The following EIPR1 variants were observed in gnomAD, a reference collection of about 807,000 sequenced individuals.
EIPR1 encodes the protein EARP and GARP complex-interacting protein 1.
In EIPR1, 25 loss-of-function variants were observed where a neutral mutation model predicts 48.1. The observed-to-expected ratio is 0.52, with a 90% CI of 0.38 to 0.73. EIPR1 has a LOEUF of 0.73. Among genes scored for constraint, EIPR1 ranks in the 30% least tolerant of loss-of-function variants. The pLI is 0.00. For missense variants in EIPR1, 415 were observed against 506.2 expected (o/e 0.82, Z 1.73); for synonymous variants, 204 against 201.9 (o/e 1.01, Z -0.09).
chr2:3,235,700 C>A (rs1666385123), intron 4 of EIPR1, among the ~76,000 whole-genome samples: 1 of 152,198 alleles, frequency 6.6e-6, no homozygotes, highest in Non-Finnish European at 1.5e-5. Flanking sequence ...TTATAGAATG[C>A]AGGATTTTAA....
At chr2:3,266,710 G>A (rs903803480) in intron 3 of EIPR1, among the ~76,000 whole-genome samples, 8 of 152,182 alleles carry the variant, frequency 5.3e-5, no homozygotes, top group African/African-American at 7.2e-5. Flanking sequence ...TCAGGGGCTC[G>A]CTGGCCGTGA....
intron 3 of EIPR1, among the ~76,000 whole-genome samples, chr2:3,305,732 C>T (rs1668923366): frequency 6.6e-6 from 1 of 152,252 alleles, no homozygotes; most frequent in Non-Finnish European, 1.5e-5. Flanking sequence ...CAATCTCTCC[C>T]ACAGCCAGGC....
At chr2:3,347,793 G>A (rs1215114483) in intron 2 of EIPR1, among the ~76,000 whole-genome samples, 2 of 152,240 alleles carry the variant, frequency 1.3e-5, no homozygotes, top group East Asian at 3.8e-4. Context: ...TCACACTGAA[G>A]ACAGTAAGAA....
chr2:3,223,600 C>G (rs887277535), intron 4 of EIPR1, among the ~76,000 whole-genome samples: 6 of 152,180 alleles, frequency 3.9e-5, no homozygotes, highest in African/African-American at 1.4e-4. Flanking sequence ...CCCTAGAACC[C>G]CATGGAAAGG....
chr2:3,243,556 G>A (rs1268977825), intron 4 of EIPR1, among the ~76,000 whole-genome samples: 1 of 152,142 alleles, frequency 6.6e-6, no homozygotes, highest in Non-Finnish European at 1.5e-5. Context: ...GCTTGAACCC[G>A]GGAGGCAGAG....
At chr2:3,225,220 A>ATGTG (rs1491346752) in intron 4 of EIPR1, among the ~76,000 whole-genome samples, 270 of 90,418 alleles carry the variant, frequency 3.0e-3, no homozygotes, top group African/African-American at 4.8e-3. Flanking sequence ...GTACACTGTG[A>ATGTG]TATGTGTGTG....
At chr2:3,374,616 G>C (rs1364049911) in intron 1 of EIPR1, among the ~76,000 whole-genome samples, 2 of 151,956 alleles carry the variant, frequency 1.3e-5, no homozygotes, top group Admixed American at 6.6e-5. Context: ...GCAGCCAAAA[G>C]ACACATGAAA....
intron 3 of EIPR1, among the ~76,000 whole-genome samples, chr2:3,296,847 G>T (rs1261506243): frequency 6.6e-6 from 1 of 152,312 alleles, no homozygotes; most frequent in South Asian, 2.1e-4. Flanking sequence ...TCCAGCTCTG[G>T]GCATCTTTGT....
intron 4 of EIPR1, among the ~76,000 whole-genome samples, chr2:3,221,085 CACTCTAGAG>C: frequency 6.5e-5 from 1 of 15,344 alleles, no homozygotes; most frequent in Non-Finnish European, 2.1e-4. Context: ...GGCCGAGGTA[CACTCTAGAG>C]CATTCACAGT....
intron 3 of EIPR1, among the ~76,000 whole-genome samples, chr2:3,308,113 G>GC (rs1239260691): frequency 6.6e-6 from 1 of 152,272 alleles, no homozygotes; most frequent in East Asian, 1.9e-4. Flanking sequence ...AGAGAATGAG[G>GC]CCCACTTGCA....
chr2:3,190,839 T>C (rs11693082), intron 8 of EIPR1, among the ~76,000 whole-genome samples: 152,326 of 152,366 alleles, frequency 1, 76,143 homozygotes, highest in Middle Eastern at 1. Context: ...GTCTGGCTCA[T>C]GCCTGTAATC....
intron 4 of EIPR1, among the ~76,000 whole-genome samples, chr2:3,251,790 T>C (rs562639880): frequency 6.6e-6 from 1 of 152,338 alleles, no homozygotes; most frequent in South Asian, 2.1e-4. Context: ...CAACGCTTAC[T>C]GTCATGAAGA....
chr2:3,343,284 T>TA (rs2103359108), intron 2 of EIPR1, among the ~76,000 whole-genome samples: 1 of 152,326 alleles, frequency 6.6e-6, no homozygotes, highest in South Asian at 2.1e-4. Flanking sequence ...GGCACCACCC[T>TA]ACACCCAGCT....
intron 1 of EIPR1, among the ~76,000 whole-genome samples, chr2:3,357,216 G>A (rs1295501266): frequency 3.9e-5 from 6 of 152,296 alleles, no homozygotes; most frequent in East Asian, 3.9e-4. Flanking sequence ...CCCATGGAGC[G>A]TACTTTCATT....
At chr2:3,193,958 C>A (rs376420414) in intron 7 of EIPR1, 41 bp downstream of exon 7, 2 of 1,606,210 alleles carry the variant, frequency 1.2e-6, no homozygotes, top group Non-Finnish European at 8.5e-7. Context: ...AAATCAATTG[C>A]GTAATCCCCT....
chr2:3,317,433 T>C (rs1279431800), intron 3 of EIPR1, among the ~76,000 whole-genome samples: 2 of 104,610 alleles, frequency 1.9e-5, no homozygotes, highest in Admixed American at 9.1e-5. Flanking sequence ...CACGGAGCCC[T>C]GGGAGCGCAT....
intron 4 of EIPR1, among the ~76,000 whole-genome samples, chr2:3,255,562 A>G (rs2103216466): frequency 6.6e-6 from 1 of 152,336 alleles, no homozygotes; most frequent in Non-Finnish European, 1.5e-5. Context: ...CCCATGACAC[A>G]CACCCATGTG....
intron 1 of EIPR1, among the ~76,000 whole-genome samples, chr2:3,364,951 G>A (rs1011673389): frequency 2.6e-5 from 4 of 152,010 alleles, no homozygotes; most frequent in Admixed American, 1.3e-4. Flanking sequence ...ACAGTCTATC[G>A]TACATTTCAA....
chr2:3,341,691 G>A (rs1473142624), intron 2 of EIPR1, among the ~76,000 whole-genome samples: 2 of 151,526 alleles, frequency 1.3e-5, no homozygotes, highest in Admixed American at 6.6e-5. Flanking sequence ...AGGCGTGTGG[G>A]AGGTGTGTGG....
Sources: gnomAD v4.1 joint callset for allele counts (sites outside exome capture counted in the v4.1 genomes callset) on GRCh38, gnomAD v4.1.1 for gene constraint, MANE v1.5 for transcripts, NCBI Gene and HGNC (gene_info 2026-07-23, HGNC 2026-07-21) for gene names.